VAV2: variants seen among roughly 807,000 people sequenced by gnomAD.
VAV2 encodes the protein vav guanine nucleotide exchange factor 2, also known as guanine nucleotide exchange factor VAV2.
Under a neutral mutation model 132.5 loss-of-function variants are expected in VAV2, and 67 were observed. The ratio of observed to expected loss-of-function variants is 0.51; its 90% confidence interval spans 0.42 to 0.62. The LOEUF (loss-of-function observed/expected upper bound fraction) is 0.62. Among genes scored for constraint, VAV2 ranks in the 20% least tolerant of loss-of-function variants. The pLI is 0.00. For synonymous variants in VAV2, 492 were observed against 443.5 expected (o/e 1.11, Z -1.37); for missense variants, 938 against 1,153.6 (o/e 0.81, Z 2.71).
At chr9:133,801,137 C>T (rs1834913966) in intron 9 of VAV2, among the ~76,000 whole-genome samples, 1 of 152,216 alleles carries the variant, frequency 6.6e-6, no homozygotes, top group African/African-American at 2.4e-5. Flanking sequence ...TGGCCACAGC[C>T]ACAAGCCTGG....
rs760686738 is a variant in VAV2, at chr9:133,935,523, G to A, written c.321+3580C>T. Among the ~76,000 whole-genome samples the A allele has an allele frequency of 6.6e-6, 1 of 152,226 alleles. No individual in the cohort carries two copies. The highest frequency in any genetic ancestry group is 1.5e-5 in the Non-Finnish European group (1 of 68,038). On this transcript the variant is annotated intron_variant, in intron 2 of 29. Coordinates refer to ENST00000371850, the MANE Select transcript of VAV2 (RefSeq NM_001134398.2). This position sits in a 1 kb window ranked among gnomAD's most constrained non-coding sequence, Gnocchi z 5.2. ...CAACAAATACGCCCCGGCCCAGCAA[G>A]AGGTCCCCAGGAGTCTGAGCACCTG...
Position 133,874,297 on chromosome 9 carries a change from T to A in VAV2, c.322-12865A>T, listed in dbSNP as rs868190532. Among the ~76,000 whole-genome samples the A allele has an allele frequency of 3.3e-5, 5 of 152,312 alleles. No individual in the cohort carries two copies. The South Asian group carries it at 1.0e-3, about 32-fold the overall frequency. ...CTGTCTGCGAATGCTGCTCTCTCAT[T>A]CCCAGAGACACTCCCCAGCCCCTCC... On this transcript the variant is annotated intron_variant, in intron 2 of 29. Transcript: ENST00000371850.
In VAV2 at chr9:133,764,053, T is replaced by C; in HGVS notation, c.*9A>G. 1 of 1,614,040 alleles carries C rather than the reference T, an allele frequency of 6.2e-7. No individual in the cohort carries two copies. Among genetic ancestry groups the C allele is most frequent in the Non-Finnish European group, 8.5e-7 (1 of 1,179,988 alleles). ...AGAAAATCTGCGAGTCTTGTCCACG[T>C]TCCTGCCGTCACTGGATGCCCTCCT... On this transcript the variant is annotated 3_prime_UTR_variant, in exon 30 of 30. Transcript: ENST00000371850.
intron 20 of VAV2, 98 bp downstream of exon 20, chr9:133,780,596 G>A: frequency 7.9e-7 from 1 of 1,264,402 alleles, no homozygotes; most frequent in South Asian, 2.9e-5. Flanking sequence ...GTGGCCCCAT[G>A]AGTGGTGAAA....
In VAV2 at chr9:133,861,379, C is replaced by A; in HGVS notation, c.375G>T (p.Gly125=). ...GCGCACTCCGGAGAGCTCACCTGAT[C>A]CCTTTGTTCTGCGCGATGCTGTGCA... The part of the protein sequence containing the change: ...LSLHSIAQNK[G]IRPFPSEETT... Residue 125 remains glycine, a synonymous_variant, in exon 3 of 30, where the codon GGG becomes GGT. Transcript: ENST00000371850. 1 of 1,612,566 alleles carries A rather than the reference C, an allele frequency of 6.2e-7. No individual in the cohort carries two copies. The highest frequency in any genetic ancestry group is 8.5e-7 in the Non-Finnish European group (1 of 1,179,212).
intron 11 of VAV2, 131 bp downstream of exon 11, chr9:133,796,298 A>G (rs1834710547): frequency 1.4e-6 from 1 of 703,804 alleles, no homozygotes; most frequent in African/African-American, 1.8e-5. Flanking sequence ...TTATGAGCTA[A>G]GCATGAACTG....
chr9:133,937,622 A>G (rs1840975036), intron 2 of VAV2, among the ~76,000 whole-genome samples: 1 of 152,146 alleles, frequency 6.6e-6, no homozygotes, highest in African/African-American at 2.4e-5. Context: ...TGCTGCAGGC[A>G]AATTCATCTC....
chr9:133,794,782 G>T lies in VAV2; in HGVS notation c.1101+886C>A, dbSNP rs1409036475. ...TGCCAGGTGCTGTGCCTGGCCTGGG[G>T]ACACAGGTGACTATGGCTGACACAT... On this transcript the variant is annotated intron_variant, in intron 12 of 29. Coordinates refer to ENST00000371850, the MANE Select transcript of VAV2 (RefSeq NM_001134398.2). This position sits in a 1 kb window ranked among gnomAD's most constrained non-coding sequence, Gnocchi z 4.6. Among the ~76,000 whole-genome samples the T allele has an allele frequency of 6.6e-6, 1 of 152,228 alleles. No homozygotes were observed. Among genetic ancestry groups the T allele is most frequent in the African/African-American group, 2.4e-5 (1 of 41,450 alleles).
At chr9:133,851,363 T>C (rs1837160017) in intron 3 of VAV2, among the ~76,000 whole-genome samples, 1 of 152,234 alleles carries the variant, frequency 6.6e-6, no homozygotes, top group South Asian at 2.1e-4. Context: ...GGCACTATAC[T>C]GAGAACTTTA....
intron 2 of VAV2, among the ~76,000 whole-genome samples, chr9:133,900,766 G>T (rs56372500): frequency 0.079 from 11,435 of 145,584 alleles, 520 homozygotes; most frequent in Non-Finnish European, 0.1. Flanking sequence ...CTCCTGTCTT[G>T]ATTTATTTAT....
chr9:133,835,700 C>G (rs1046832322), intron 3 of VAV2, among the ~76,000 whole-genome samples: 8 of 152,196 alleles, frequency 5.3e-5, no homozygotes, highest in Admixed American at 3.9e-4. Flanking sequence ...GCCCGAGATC[C>G]AGCAGGGACG....
At chr9:133,952,203 T>C (rs1237899550) in intron 1 of VAV2, among the ~76,000 whole-genome samples, 1 of 152,028 alleles carries the variant, frequency 6.6e-6, no homozygotes, top group African/African-American at 2.4e-5. Context: ...ACAGCAAGTG[T>C]AATGGGTTGA....
chr9:133,809,529 G>A (rs1835282714), intron 6 of VAV2, among the ~76,000 whole-genome samples: 1 of 152,218 alleles, frequency 6.6e-6, no homozygotes, highest in Admixed American at 6.5e-5. Flanking sequence ...CCTACTGTGT[G>A]CATAAGTCCT....
intron 20 of VAV2, 38 bp from the exon 21 acceptor site, chr9:133,779,977 G>A: frequency 1.9e-6 from 3 of 1,611,052 alleles, no homozygotes; most frequent in Non-Finnish European, 2.5e-6. Context: ...ATGAGGGAAG[G>A]CTGCTCTTTG....
chr9:133,888,147 C>A (rs1261213132), intron 2 of VAV2, among the ~76,000 whole-genome samples: 5 of 152,152 alleles, frequency 3.3e-5, no homozygotes, highest in Non-Finnish European at 7.3e-5. Flanking sequence ...TACATGAGGC[C>A]CCTGGAGCCG....
chr9:133,788,846 G>A lies in VAV2; in HGVS notation c.1275-360C>T, dbSNP rs760215084. ...CAAGAGGGTGGGACCCAGATCTGCT[G>A]TGACCCCTGCCCCAGCACACAGTAG... On this transcript the variant is annotated intron_variant, in intron 14 of 29. Transcript: ENST00000371850. The surrounding 1 kb of genome is among the most constrained non-coding windows in gnomAD (Gnocchi z 5.3). Among the ~76,000 whole-genome samples the A allele has an allele frequency of 1.4e-4, 21 of 152,216 alleles. No individual in the cohort carries two copies. Among genetic ancestry groups the A allele is most frequent in the Non-Finnish European group, 2.6e-4 (18 of 68,032 alleles).
intron 9 of VAV2, among the ~76,000 whole-genome samples, chr9:133,798,741 C>T (rs994425913): frequency 5.3e-5 from 8 of 152,228 alleles, no homozygotes; most frequent in African/African-American, 1.7e-4. Flanking sequence ...AGGTGCTCTG[C>T]CGACAAGCCT....
chr9:133,767,554 A>AAC (rs1269949962), intron 29 of VAV2, among the ~76,000 whole-genome samples: 4 of 152,208 alleles, frequency 2.6e-5, no homozygotes, highest in Non-Finnish European at 5.9e-5. Flanking sequence ...CCACTTTGAG[A>AAC]ACCAGTGGTC....
chr9:133,967,092 G>A (rs1472324741), intron 1 of VAV2, among the ~76,000 whole-genome samples: 2 of 149,820 alleles, frequency 1.3e-5, no homozygotes, highest in South Asian at 2.1e-4. Context: ...ATTTTTAAAC[G>A]GGTAAATAAT....
Sources: gnomAD v4.1 joint callset for allele counts (sites outside exome capture counted in the v4.1 genomes callset) on GRCh38, gnomAD v4.1.1 for gene constraint, Gnocchi (gnomAD v3.1) non-coding constraint, MANE v1.5 for transcripts, NCBI Gene and HGNC (gene_info 2026-07-23, HGNC 2026-07-21) for gene names.